Variants in CEP104 observed in about 807,000 individuals in gnomAD.
CEP104 encodes the protein centrosomal protein of 104 kDa.
In CEP104, 84 loss-of-function variants were observed where a neutral mutation model predicts 113.3. The observed-to-expected ratio is 0.74, with a 90% CI of 0.62 to 0.89. The LOEUF is 0.89. CEP104 is among the 40% of genes least tolerant of loss of function. CEP104 has a pLI of 0.00. For synonymous variants in CEP104, 378 were observed against 421.7 expected, an observed-to-expected ratio of 0.90 and a Z score of 1.27; for missense variants, 1,053 against 1,156.6, an observed-to-expected ratio of 0.91 and a Z score of 1.30.
At position 3,852,429 on chromosome 1, in the gene CEP104, T is replaced by C; in HGVS notation, c.-14-8A>G. On this transcript the variant is annotated splice_polypyrimidine_tract_variant and splice_region_variant and intron_variant, in intron 1 of 21. Coordinates refer to ENST00000378230, the MANE Select transcript of CEP104 (RefSeq NM_014704.4). The stretch of plus-strand genomic sequence containing the variant: ...GCATTCTGCACGTTTGGGCTGTTTA[T>C]AAGAGCAGGAAAAACTTCTTTAAAA... The C allele has an allele frequency of 1.2e-6, 2 of 1,603,284 alleles. No individual in the cohort carries two copies. The highest frequency in any genetic ancestry group is 1.7e-4 in the Middle Eastern group (1 of 6,006).
At chr1:3,838,634 G>C (rs1644357936) in intron 8 of CEP104, among the ~76,000 whole-genome samples, 1 of 152,190 alleles carries the variant, frequency 6.6e-6, no homozygotes, top group Admixed American at 6.5e-5. Flanking sequence ...TTACAACACT[G>C]AGGGGTCAGT....
intron 12 of CEP104, among the ~76,000 whole-genome samples, chr1:3,831,993 GTGTATTTCGTCCAC>G (rs1258750942): frequency 1.3e-5 from 2 of 152,216 alleles, no homozygotes; most frequent in African/African-American, 4.8e-5. Flanking sequence ...GCTGTTGAGT[GTGTATTTCGTCCAC>G]TAACCGGCAC....
intron 12 of CEP104, among the ~76,000 whole-genome samples, chr1:3,831,554 C>G (rs1275533512): frequency 6.6e-6 from 1 of 152,132 alleles, no homozygotes; most frequent in Non-Finnish European, 1.5e-5. Context: ...TTTCTCATTT[C>G]TAAAATTCTA....
chr1:3,845,362 GT>G lies in CEP104; in HGVS notation c.427-12del, dbSNP rs752509934. On this transcript the variant is annotated splice_polypyrimidine_tract_variant and intron_variant, in intron 4 of 21. Transcript: ENST00000378230. ...GGCAACCAAAGCAACCTAAGAAAGT[GT>G]TAAAATAACAGAATTAAATATACAA... The G allele has an allele frequency of 3.2e-6, 5 of 1,569,726 alleles. No homozygotes were observed. The highest frequency in any genetic ancestry group is 1.7e-4 in the Middle Eastern group (1 of 5,970).
chr1:3,848,849 C>G, intron 2 of CEP104, 68 bp from the exon 3 acceptor site: 2 of 1,327,752 alleles, frequency 1.5e-6, no homozygotes, highest in Non-Finnish European at 2.1e-6. Flanking sequence ...GCTAGCATCT[C>G]ATTCTTGCAG....
rs372631891 is a variant in CEP104, at chr1:3,837,302, G to C, written c.1109C>G (p.Pro370Arg). 4 of 1,610,144 alleles carry C rather than the reference G, an allele frequency of 2.5e-6. No homozygotes were observed. The highest frequency in any genetic ancestry group is 3.4e-6 in the Non-Finnish European group (4 of 1,176,616). ...AACAGAATTACCTACATTGATCTTT[G>C]GATGAGGATCTGTGGCAGGGAGTAA... ...DPLLPATDPH[P>R]KINAESLPYD... The change falls in exon 9 of 22, where the codon CCA (proline) becomes CGA (arginine). Residue 370 changes from proline (P) to arginine (R), a missense_variant. Transcript: ENST00000378230.
At position 3,839,793 on chromosome 1, in the gene CEP104, C is replaced by T; in HGVS notation, c.567-17G>A. 6.2e-7 allele frequency: 1 copy of T among 1,601,214 alleles called. No individual in the cohort carries two copies. Among genetic ancestry groups the T allele is most frequent in the East Asian group, 2.2e-5 (1 of 44,766 alleles). On this transcript the variant is annotated splice_polypyrimidine_tract_variant and intron_variant, in intron 6 of 21. Transcript: ENST00000378230. ...TCAGATTTCCTAAAGGGAAGAAATG[C>T]ATATTTTAGAGATAATTTCACGCCC...
chr1:3,848,591 T>C lies in CEP104; in HGVS notation c.287+17A>G. On this transcript the variant is annotated intron_variant, in intron 3 of 21. Transcript: ENST00000378230. ...AGCCTAAAAGCTGCCATGATACATT[T>C]TAAATTTCATTCTTACCCAAGTCTT... 1 of 1,593,422 alleles carries C rather than the reference T, an allele frequency of 6.3e-7. No homozygotes were observed.
At position 3,834,132 on chromosome 1, in the gene CEP104, A is replaced by G; in HGVS notation, c.1486-97T>C. On this transcript the variant is annotated intron_variant, in intron 11 of 21. Transcript: ENST00000378230. ...TATCAGTAACACATACGAACATTAT[A>G]TCGAAAATGACATCTCGTCTGAAAG... The G allele has an allele frequency of 4.0e-6, 4 of 1,008,598 alleles. No homozygotes were observed. In the South Asian group the frequency reaches 6.1e-5, roughly 15 times the overall value. The allele number at this position is 1,008,598 out of a possible 1,614,324, so 62.5% of individuals were successfully genotyped here. A position where few individuals can be genotyped will look rare whatever the true frequency, so the allele number is the denominator to read the frequency against.
chr1:3,847,519 T>C lies in CEP104; in HGVS notation c.382A>G (p.Ile128Val). ...VDAVGQFLKL[I>V]FHQNHVNKYN... ...TTGTTGACATGGTTTTGGTGAAAAA[T>C]CAGTTTAAGAAATTGTCCTACTGCA... Residue 128 changes from isoleucine (I) to valine (V), a missense_variant, in exon 4 of 22, where the codon ATT (isoleucine) becomes GTT (valine). Transcript: ENST00000378230. 6.2e-7 allele frequency: 1 copy of C among 1,609,750 alleles called. No homozygotes were observed. Among genetic ancestry groups the C allele is most frequent in the Middle Eastern group, 1.7e-4 (1 of 6,032 alleles).
Position 3,836,228 on chromosome 1 carries a change from G to A in CEP104, c.1317+267C>T, listed in dbSNP as rs111640545. Among the ~76,000 whole-genome samples the A allele has an allele frequency of 0.2, 30,015 of 150,676 alleles. 3,398 individuals are homozygous for A. The highest frequency in any genetic ancestry group is 0.25 in the Non-Finnish European group (16,829 of 67,842). On this transcript the variant is annotated intron_variant, in intron 10 of 21. Transcript: ENST00000378230. ...GGCTGAGGTAGGAGAACAGGGTGAA[G>A]CCAGGAGGCGGAGCTTGCAGTGAGC...
Position 3,829,883 on chromosome 1 carries a change from C to G in CEP104, c.1951G>C (p.Asp651His). The G allele has an allele frequency of 1.2e-6, 2 of 1,614,146 alleles. No homozygotes were observed. Among genetic ancestry groups the G allele is most frequent in the Non-Finnish European group, 1.7e-6 (2 of 1,180,040 alleles). ...QASILEYLPP[D>H]DSNTRRNILY... ...ATGTTCCTGCGTGTGTTGCTGTCGT[C>G]TGGAGGAAGGTACTCCAGGATGGAA... The change falls in exon 14 of 22, where the codon GAC (aspartate) becomes CAC (histidine). Residue 651 changes from aspartate (D) to histidine (H), a missense_variant. By Grantham distance (81) the Asp-to-His change is moderately conservative. Coordinates refer to ENST00000378230, the MANE Select transcript of CEP104 (RefSeq NM_014704.4).
chr1:3,826,223 G>A, intron 17 of CEP104, 147 bp downstream of exon 17: 1 of 674,760 alleles, frequency 1.5e-6, no homozygotes, highest in Non-Finnish European at 2.6e-6. Flanking sequence ...GACTCGGAGT[G>A]GATGCTGGTT....
chr1:3,828,679 C>T (rs992574868), intron 15 of CEP104, among the ~76,000 whole-genome samples: 4 of 152,116 alleles, frequency 2.6e-5, no homozygotes, highest in Admixed American at 6.5e-5. Flanking sequence ...CTGTGTTCTG[C>T]CACCTTTATA....
chr1:3,824,868 T>G (rs1329168135), intron 18 of CEP104, among the ~76,000 whole-genome samples: 2 of 73,438 alleles, frequency 2.7e-5, no homozygotes, highest in Admixed American at 1.5e-4. Context: ...AGTGGCACCG[T>G]GGGAAGGGCG....
At chr1:3,845,993 T>G (rs149454939) in intron 4 of CEP104, among the ~76,000 whole-genome samples, 4,896 of 150,912 alleles carry the variant, frequency 0.032, 110 homozygotes, top group Non-Finnish European at 0.048. Context: ...GCAGGAGAAT[T>G]GTTTGAACCT....
Position 3,812,644 on chromosome 1 carries a change from C to G in CEP104, c.*2758G>C, listed in dbSNP as rs989082238. 2 of 152,074 alleles carry G rather than the reference C, an allele frequency of 1.3e-5. No individual in the cohort carries two copies. Among genetic ancestry groups the G allele is most frequent in the African/African-American group, 2.4e-5 (1 of 41,394 alleles). 9.4% of individuals were successfully genotyped at this position (152,074 alleles called of 1,614,324 possible). A position where few individuals can be genotyped will look rare whatever the true frequency, so the allele number is the denominator to read the frequency against. On this transcript the variant is annotated 3_prime_UTR_variant, in exon 22 of 22. Transcript: ENST00000378230. ...CACAAGGTCAGGAGTTTGAGACCAG[C>G]CTGGCCAATATGGTGAAACCCCGTC...
chr1:3,835,523 A>C (rs1644293131), intron 10 of CEP104, among the ~76,000 whole-genome samples: 1 of 152,086 alleles, frequency 6.6e-6, no homozygotes, highest in Admixed American at 6.5e-5. Flanking sequence ...CAGGTGCCTG[A>C]CACCATGCCC....
In CEP104 at chr1:3,847,541, T is replaced by C; in HGVS notation, c.360A>G (p.Ala120=). The change falls in exon 4 of 22, where the codon GCA becomes GCG. Residue 120 remains alanine, a synonymous_variant. Transcript: ENST00000378230. Reference sequence around the variant, plus strand: ...AAATCAGTTTAAGAAATTGTCCTACTGCATCCACATAAACTGATTTTAGTT... The same window carrying C: ...AAATCAGTTTAAGAAATTGTCCTACCGCATCCACATAAACTGATTTTAGTT... The part of the protein sequence containing the change: ...ARELKSVYVD[A]VGQFLKLIFH... 6.2e-7 allele frequency: 1 copy of C among 1,613,258 alleles called. No individual in the cohort carries two copies. Among genetic ancestry groups the C allele is most frequent in the Non-Finnish European group, 8.5e-7 (1 of 1,179,388 alleles).
Sources: gnomAD v4.1 joint callset for allele counts (sites outside exome capture counted in the v4.1 genomes callset) on GRCh38, gnomAD v4.1.1 for gene constraint, MANE v1.5 for transcripts, NCBI Gene and HGNC (gene_info 2026-07-23, HGNC 2026-07-21) for gene names.